The following DCP1B variants were observed in gnomAD, a reference collection of about 807,000 sequenced individuals.
DCP1B encodes mRNA-decapping enzyme 1B.
A neutral mutation model predicts 60.5 loss-of-function variants in DCP1B; 47 were observed. That is an observed-to-expected ratio of 0.78 (90% CI 0.61 to 0.99). The LOEUF is 0.99. Ranked by LOEUF, DCP1B falls within the 50% of genes least tolerant of loss-of-function variation. The probability of loss-of-function intolerance (pLI) is 0.00; values close to 1 mark genes in which losing one functional copy is unlikely to be tolerated. For missense variants in DCP1B, 725 were observed against 756.8 expected (o/e 0.96, Z 0.49); for synonymous variants, 267 against 280.3 (o/e 0.95, Z 0.47).
chr12:1,963,474 G>C (rs551938237), intron 5 of DCP1B, among the ~76,000 whole-genome samples: 4 of 152,294 alleles, frequency 2.6e-5, no homozygotes, highest in South Asian at 4.1e-4. Context: ...GGAAGGAGTT[G>C]GTGCCTTAGC....
chr12:1,976,744 T>C (rs887092324), intron 3 of DCP1B, among the ~76,000 whole-genome samples: 2 of 151,858 alleles, frequency 1.3e-5, no homozygotes, highest in African/African-American at 4.8e-5. Context: ...CAAAATGTCA[T>C]GTATATATGC....
rs771282481 is a variant in DCP1B, at chr12:1,949,268, C to T, written c.1591G>A (p.Ala531Thr). 9.9e-5 allele frequency: 160 copies of T among 1,613,956 alleles called. No homozygotes were observed. Among genetic ancestry groups the T allele is most frequent in the Non-Finnish European group, 1.3e-4 (153 of 1,180,016 alleles). The change falls in exon 8 of 9, where the codon GCA becomes ACA. Residue 531 changes from alanine (A) to threonine (T), a missense_variant. Coordinates refer to ENST00000280665, the MANE Select transcript of DCP1B (RefSeq NM_152640.5). ...TTTGGCGGGACGGAGGTGGGTTGTG[C>T]GAACACCATGGGGGACATAAGCAGA... Reference protein sequence around the residue: ...PSLLMSPMVFAQPTSVPPKER... With the variant: ...PSLLMSPMVFTQPTSVPPKER...
At chr12:1,983,187 G>T (rs1170421893) in intron 3 of DCP1B, among the ~76,000 whole-genome samples, 1 of 150,888 alleles carries the variant, frequency 6.6e-6, no homozygotes, top group Non-Finnish European at 1.5e-5. Context: ...TCTTTTCAAA[G>T]ATAATCAGGT....
chr12:1,997,926 C>T lies in DCP1B; in HGVS notation c.191+9G>A. On this transcript the variant is annotated intron_variant, in intron 2 of 8. Transcript: ENST00000280665. Reference sequence around the variant, plus strand: ...GATTAGTTTCTTTATAAAAGTGAAACACTCTTACCTTGTATAAACAAATAA... The same window carrying T: ...GATTAGTTTCTTTATAAAAGTGAAATACTCTTACCTTGTATAAACAAATAA... The T allele has an allele frequency of 6.3e-7, 1 of 1,596,608 alleles. No individual in the cohort carries two copies. Among genetic ancestry groups the T allele is most frequent in the Non-Finnish European group, 8.5e-7 (1 of 1,172,566 alleles).
chr12:1,994,766 C>T (rs1195553874), intron 2 of DCP1B, among the ~76,000 whole-genome samples: 1 of 152,168 alleles, frequency 6.6e-6, no homozygotes, highest in South Asian at 2.1e-4. Flanking sequence ...CAGGATCTCA[C>T]CTCTTTAATA....
intron 6 of DCP1B, among the ~76,000 whole-genome samples, chr12:1,955,007 G>A (rs1160398055): frequency 3.3e-5 from 5 of 152,062 alleles, no homozygotes; most frequent in African/African-American, 1.2e-4. Context: ...AGCACTACAG[G>A]TGCACGCCAT....
chr12:1,997,556 T>G (rs2041238361), intron 2 of DCP1B, among the ~76,000 whole-genome samples: 1 of 152,146 alleles, frequency 6.6e-6, no homozygotes, highest in Admixed American at 6.6e-5. Context: ...AATGAAACCC[T>G]TTTCCAAATA....
intron 5 of DCP1B, among the ~76,000 whole-genome samples, chr12:1,963,658 T>C (rs1278956281): frequency 6.6e-6 from 1 of 152,214 alleles, no homozygotes; most frequent in African/African-American, 2.4e-5. Flanking sequence ...TCCTTGAAGC[T>C]GATTTCTGTG....
downstream of DCP1B, among the ~76,000 whole-genome samples, chr12:1,945,893 G>C (rs945962075): frequency 2.0e-5 from 3 of 152,108 alleles, no homozygotes; most frequent in Non-Finnish European, 4.4e-5. Flanking sequence ...CGGGGTGGGG[G>C]ACTAGGGGAG....
At position 1,949,253 on chromosome 12, in the gene DCP1B, C is replaced by T. The variant is rs747504838; in HGVS notation, c.1606G>A (p.Val536Ile). 253 of 1,613,930 alleles carry T rather than the reference C, an allele frequency of 1.6e-4. No homozygotes were observed. The highest frequency in any genetic ancestry group is 2.0e-4 in the Non-Finnish European group (234 of 1,180,022). Residue 536 changes from valine to isoleucine, a missense_variant, in exon 8 of 9, where the codon GTC becomes ATC. Val to Ile is a conservative substitution (Grantham distance 29, BLOSUM62 3). Transcript: ENST00000280665. ...CCGCTCTCCCTTTCCTTTGGCGGGACGGAGGTGGGTTGTGCGAACACCATG... is the reference window on the plus strand; with the variant it reads ...CCGCTCTCCCTTTCCTTTGGCGGGATGGAGGTGGGTTGTGCGAACACCATG... ...SPMVFAQPTS[V>I]PPKERESGLL...
At chr12:1,960,955 T>C (rs2031101191) in intron 5 of DCP1B, among the ~76,000 whole-genome samples, 1 of 152,208 alleles carries the variant, frequency 6.6e-6, no homozygotes, top group Non-Finnish European at 1.5e-5. Flanking sequence ...GTCTCCACAT[T>C]TTCTGAAATA....
downstream of DCP1B, among the ~76,000 whole-genome samples, chr12:1,944,355 T>G (rs1249809253): frequency 1.3e-5 from 2 of 152,228 alleles, no homozygotes; most frequent in African/African-American, 2.4e-5. Flanking sequence ...ATGGCCACAC[T>G]GCCCAAAGTA....
chr12:1,991,734 C>T (rs1380467814), intron 3 of DCP1B: 1 of 157,062 alleles, frequency 6.4e-6, no homozygotes, highest in Non-Finnish European at 1.4e-5. Context: ...ATCAGATAAA[C>T]CCTGTGGGAC....
chr12:1,991,058 T>G (rs2039279640), intron 3 of DCP1B: 2 of 454,802 alleles, frequency 4.4e-6, no homozygotes, highest in African/African-American at 4.0e-5. Context: ...GTTGTTCAAC[T>G]GATTCTATTT....
chr12:1,975,379 CTTGA>C (rs1397126711), intron 3 of DCP1B, among the ~76,000 whole-genome samples: 6 of 152,086 alleles, frequency 3.9e-5, no homozygotes, highest in African/African-American at 1.4e-4. Flanking sequence ...GATTCCAGAA[CTTGA>C]TTATTTGAAA....
At chr12:1,976,675 T>C (rs2034460099) in intron 3 of DCP1B, among the ~76,000 whole-genome samples, 1 of 152,162 alleles carries the variant, frequency 6.6e-6, no homozygotes, top group Non-Finnish European at 1.5e-5. Context: ...TTACTTTAAA[T>C]ATTAGTTTCT....
At chr12:1,986,368 G>A (rs755620635) in intron 3 of DCP1B, among the ~76,000 whole-genome samples, 2 of 152,072 alleles carry the variant, frequency 1.3e-5, no homozygotes, top group Non-Finnish European at 2.9e-5. Context: ...CCAGTCTTCC[G>A]ACTACAAAGT....
intron 3 of DCP1B, among the ~76,000 whole-genome samples, chr12:1,975,807 T>C (rs1454869404): frequency 6.6e-6 from 1 of 152,180 alleles, no homozygotes; most frequent in Non-Finnish European, 1.5e-5. Flanking sequence ...CACCTCAGCA[T>C]GTCAGATTGT....
chr12:1,973,557 C>A (rs2033238307), intron 3 of DCP1B, among the ~76,000 whole-genome samples: 1 of 152,152 alleles, frequency 6.6e-6, no homozygotes, highest in Admixed American at 6.5e-5. Flanking sequence ...CATGTTATAT[C>A]ATTCAATCTT....
Sources: allele counts gnomAD v4.1 joint callset (sites outside exome capture counted in the v4.1 genomes callset), GRCh38; gene constraint gnomAD v4.1.1; transcripts MANE v1.5; gene names NCBI Gene and HGNC (gene_info 2026-07-23, HGNC 2026-07-21).